Variants in HABP2 observed in about 807,000 individuals in gnomAD.
HABP2 encodes the protein hyaluronan binding protein 2.
A neutral mutation model predicts 66.5 loss-of-function variants in HABP2; 65 were observed. The observed-to-expected ratio is 0.98, with a 90% CI of 0.80 to 1.20. The LOEUF (loss-of-function observed/expected upper bound fraction) is 1.20. HABP2 is among the 50% of genes most tolerant of loss of function. HABP2 has a pLI of 0.00. For missense variants in HABP2, 786 were observed against 691.0 expected (o/e 1.14, Z -1.54); for synonymous variants, 263 against 253.9 (o/e 1.04, Z -0.34).
At chr10:113,574,217 C>A in intron 2 of HABP2, 72 bp from the exon 3 acceptor site, 1 of 783,652 alleles carries the variant, frequency 1.3e-6, no homozygotes, top group South Asian at 1.5e-5. Flanking sequence ...AAAAGGTGTC[C>A]AACTAAATAA....
chr10:113,588,768 C>A lies in HABP2; in HGVS notation c.*399C>A. ...CCTCAGCCCAGACACTCGAGGCACT[C>A]AACAGAATCAGCCATCCACGTCTAG... On this transcript the variant is annotated 3_prime_UTR_variant, in exon 13 of 13. Coordinates refer to ENST00000351270, the MANE Select transcript of HABP2 (RefSeq NM_004132.5). 1 of 581,988 alleles carries A rather than the reference C, an allele frequency of 1.7e-6. No homozygotes were observed. The allele number at this position is 581,988 out of a possible 1,614,324, so 36.1% of individuals were successfully genotyped here.
chr10:113,557,202 C>T (rs908154289), intron 1 of HABP2, among the ~76,000 whole-genome samples: 2 of 152,120 alleles, frequency 1.3e-5, no homozygotes, highest in African/African-American at 2.4e-5. Context: ...CAGTCTCTTT[C>T]GGGCCTAGGA....
At chr10:113,551,302 G>C (rs1256575088), upstream of HABP2, among the ~76,000 whole-genome samples, 1 of 152,240 alleles carries the variant, frequency 6.6e-6, no homozygotes, top group East Asian at 1.9e-4. Context: ...ATACGGCTGT[G>C]ACATTACAAC....
At chr10:113,583,386 A>C in intron 10 of HABP2, 28 bp downstream of exon 10, 1 of 1,605,280 alleles carries the variant, frequency 6.2e-7, no homozygotes, top group Non-Finnish European at 8.5e-7. Flanking sequence ...GGCTTTCCTG[A>C]GGGTCTTGTC....
intron 11 of HABP2, 47 bp from the exon 12 acceptor site, chr10:113,585,746 C>G: frequency 6.5e-7 from 1 of 1,535,390 alleles, no homozygotes; most frequent in Non-Finnish European, 9.0e-7. Context: ...GTTGGTGCCA[C>G]CCTGGTCCCC....
chr10:113,553,246 A>G, intron 1 of HABP2, 56 bp downstream of exon 1: 2 of 1,275,308 alleles, frequency 1.6e-6, no homozygotes, highest in Non-Finnish European at 2.3e-6. Flanking sequence ...TACTAGGAGG[A>G]CCAAGCTAGG....
At chr10:113,564,435 A>G (rs1227213845) in intron 1 of HABP2, among the ~76,000 whole-genome samples, 1 of 152,060 alleles carries the variant, frequency 6.6e-6, no homozygotes, top group African/African-American at 2.4e-5. Flanking sequence ...GAGCACCCCT[A>G]AGGCCTAAGC....
In HABP2 at chr10:113,589,552, ACTT is replaced by A. The variant is rs1217922644; in HGVS notation, c.*1187_*1189del. ...GCGCCTTGTTTGAGCTGCGTTTCAC[ACTT>A]CTTTAGAGCTAGCTGACCTTTGGCC... On this transcript the variant is annotated 3_prime_UTR_variant, in exon 13 of 13. Transcript: ENST00000351270. 1.5e-6 allele frequency: 2 copies of A among 1,300,082 alleles called. No homozygotes were observed. Among genetic ancestry groups the A allele is most frequent in the Non-Finnish European group, 2.1e-6 (2 of 946,328 alleles). 80.5% of individuals were successfully genotyped at this position (1,300,082 alleles called of 1,614,324 possible). A position where few individuals can be genotyped will look rare whatever the true frequency, so the allele number is the denominator to read the frequency against.
At chr10:113,575,869 A>G (rs759308667) in intron 3 of HABP2, 28 bp from the exon 4 acceptor site, 2 of 1,337,008 alleles carry the variant, frequency 1.5e-6, no homozygotes, top group East Asian at 2.3e-5. Flanking sequence ...TTTCCTTACC[A>G]ACATTGCCTT....
rs1845724756 is a variant in HABP2, at chr10:113,588,649, C to T, written c.*280C>T. The T allele has an allele frequency of 1.9e-6, 1 of 519,352 alleles. No homozygotes were observed. The highest frequency in any genetic ancestry group is 3.6e-5 in the Admixed American group (1 of 28,062). 32.2% of individuals were successfully genotyped at this position (519,352 alleles called of 1,614,324 possible). A position where few individuals can be genotyped will look rare whatever the true frequency, so the allele number is the denominator to read the frequency against. On this transcript the variant is annotated 3_prime_UTR_variant, in exon 13 of 13. Transcript: ENST00000351270. ...TACCCAATTGTACCTTCTAGAAAATCAGTGTTCACAGAGACTGCCTCCACC... is the reference window on the plus strand; with the variant it reads ...TACCCAATTGTACCTTCTAGAAAATTAGTGTTCACAGAGACTGCCTCCACC...
intron 1 of HABP2, among the ~76,000 whole-genome samples, chr10:113,562,400 C>T (rs1032939545): frequency 6.6e-6 from 1 of 151,236 alleles, no homozygotes; most frequent in African/African-American, 2.4e-5. Flanking sequence ...GCCAAGTAGG[C>T]CCTCTCTGTG....
intron 1 of HABP2, among the ~76,000 whole-genome samples, chr10:113,558,265 T>C (rs745565718): frequency 6.6e-6 from 1 of 152,254 alleles, no homozygotes; most frequent in Non-Finnish European, 1.5e-5. Flanking sequence ...AATGAAGCCA[T>C]CTTCAGAAAT....
rs1378964447 is a variant in HABP2 at position 113,589,012 on chromosome 10, A to C, written c.*643A>C. 2.5e-6 allele frequency: 4 copies of C among 1,613,910 alleles called. No homozygotes were observed. Among genetic ancestry groups the C allele is most frequent in the Non-Finnish European group, 3.4e-6 (4 of 1,179,960 alleles). ...GGCCTTCTTCTTTTTGACGTGCAGA[A>C]TCTCAGTGGCATCTGGGTTCACCTC... On this transcript the variant is annotated 3_prime_UTR_variant, in exon 13 of 13. Transcript: ENST00000351270.
Position 113,584,234 on chromosome 10 carries a change from C to A in HABP2, c.1324C>A (p.Pro442Thr), listed in dbSNP as rs1480576275. ...TGTGTGCTTGCCTGATGGGTCCTTT[C>A]CCTCTGGGAGTGAGTGCCACATCTC... ...KTVCLPDGSF[P>T]SGSECHISGW... is the part of the protein sequence containing the mutation. The change falls in exon 11 of 13, where the codon CCC becomes ACC. Residue 442 changes from proline (P) to threonine (T), a missense_variant. Coordinates refer to ENST00000351270, the MANE Select transcript of HABP2 (RefSeq NM_004132.5). The A allele has an allele frequency of 6.2e-7, 1 of 1,613,796 alleles. No homozygotes were observed. The highest frequency in any genetic ancestry group is 8.5e-7 in the Non-Finnish European group (1 of 1,179,648).
At chr10:113,585,700 G>T in intron 11 of HABP2, 93 bp from the exon 12 acceptor site, 3 of 914,438 alleles carry the variant, frequency 3.3e-6, no homozygotes, top group East Asian at 2.4e-5. Flanking sequence ...GCTAAGAGTT[G>T]GTGGGCTTCT....
intron 12 of HABP2, among the ~76,000 whole-genome samples, chr10:113,587,182 TG>T (rs1371904489): frequency 2.6e-5 from 4 of 152,108 alleles, no homozygotes; most frequent in African/African-American, 7.2e-5. Flanking sequence ...TAGGTGGACA[TG>T]GTGGCACATG....
In HABP2 at chr10:113,567,386, A is replaced by G; in HGVS notation, c.70-103A>G. 3.5e-6 allele frequency: 3 copies of G among 846,706 alleles called. No homozygotes were observed. The South Asian group carries it at 4.2e-5, about 12-fold the overall frequency. The allele number at this position is 846,706 out of a possible 1,614,324, so 52.4% of individuals were successfully genotyped here. A position where few individuals can be genotyped will look rare whatever the true frequency, so the allele number is the denominator to read the frequency against. ...CAGCCACAACCATCAGAAAGCACGC[A>G]GTGCACCTGCACCCCATACGATCTC... On this transcript the variant is annotated intron_variant, in intron 1 of 12. Coordinates refer to ENST00000351270, the MANE Select transcript of HABP2 (RefSeq NM_004132.5).
At chr10:113,579,930 G>A (rs561104680) in intron 7 of HABP2, among the ~76,000 whole-genome samples, 11 of 151,968 alleles carry the variant, frequency 7.2e-5, no homozygotes, top group Middle Eastern at 3.4e-3. Flanking sequence ...TTACAGGTGC[G>A]CACCACCACA....
chr10:113,588,373 A>ACTGT lies in HABP2; in HGVS notation c.*7_*10dup. 1.2e-6 allele frequency: 2 copies of ACTGT among 1,608,994 alleles called. No individual in the cohort carries two copies. The highest frequency in any genetic ancestry group is 1.7e-6 in the Non-Finnish European group (2 of 1,177,142). On this transcript the variant is annotated 3_prime_UTR_variant, in exon 13 of 13. Coordinates refer to ENST00000351270, the MANE Select transcript of HABP2 (RefSeq NM_004132.5). ...CAAAAGTGAAAGTGGCTTCTAAGGT[A>ACTGT]CTGTCTTCTGGACCTCAGAGCCCAC...
Sources: allele counts gnomAD v4.1 joint callset (sites outside exome capture counted in the v4.1 genomes callset), GRCh38; gene constraint gnomAD v4.1.1; transcripts MANE v1.5; gene names NCBI Gene and HGNC (gene_info 2026-07-23, HGNC 2026-07-21).